Variants in STAG1 observed in about 807,000 individuals in gnomAD.
The protein encoded by STAG1 is STAG1 cohesin complex component, also known as cohesin subunit SA-1.
A neutral mutation model predicts 170.9 loss-of-function variants in STAG1; 26 were observed. That is an observed-to-expected ratio of 0.15 (90% CI 0.11 to 0.21). The LOEUF is 0.21. STAG1 is among the 10% of genes least tolerant of loss of function. The pLI, the probability that STAG1 is intolerant of heterozygous loss-of-function variation, is 1.00. For missense variants in STAG1, 964 were observed against 1,509.5 expected, an observed-to-expected ratio of 0.64 and a Z score of 5.99; for synonymous variants, 514 against 497.7, an observed-to-expected ratio of 1.03 and a Z score of -0.44.
At chr3:136,468,873 C>G (rs957908027) in intron 12 of STAG1, among the ~76,000 whole-genome samples, 6 of 150,062 alleles carry the variant, frequency 4.0e-5, no homozygotes, top group African/African-American at 1.5e-4. Flanking sequence ...TGAACAGAAC[C>G]AAAGACAAAA....
chr3:136,418,556 T>G (rs959761962), intron 20 of STAG1, among the ~76,000 whole-genome samples: 1 of 151,860 alleles, frequency 6.6e-6, no homozygotes, highest in Admixed American at 6.6e-5. Flanking sequence ...ACCTGACATA[T>G]TTAATTGAAA....
intron 29 of STAG1, among the ~76,000 whole-genome samples, chr3:136,345,299 G>T (rs2108263303): frequency 6.6e-6 from 1 of 152,052 alleles, no homozygotes; most frequent in East Asian, 1.9e-4. Flanking sequence ...ATGTTGGCCA[G>T]GCTGAAATGG....
chr3:136,427,645 A>G (rs1228083524), intron 16 of STAG1, among the ~76,000 whole-genome samples: 1 of 151,654 alleles, frequency 6.6e-6, no homozygotes, highest in Non-Finnish European at 1.5e-5. Context: ...TGAATCTGGT[A>G]TAAGGACCAT....
intron 6 of STAG1, among the ~76,000 whole-genome samples, chr3:136,541,582 A>C (rs113246782): frequency 1.3e-4 from 19 of 150,060 alleles, no homozygotes; most frequent in African/African-American, 4.4e-4. Context: ...ACACACACAC[A>C]CACCAGGGGT....
intron 5 of STAG1, among the ~76,000 whole-genome samples, chr3:136,543,170 G>T (rs568514205): frequency 6.6e-6 from 1 of 152,138 alleles, no homozygotes; most frequent in Admixed American, 6.5e-5. Flanking sequence ...GGCAGTTGAG[G>T]TTTAGAAAAA....
chr3:136,397,621 C>A lies in STAG1; in HGVS notation c.2277+1128G>T, dbSNP rs549210840. Among the ~76,000 whole-genome samples, 10 of 151,990 alleles carry A rather than the reference C, an allele frequency of 6.6e-5. 1 individual carries two copies. The highest frequency in any genetic ancestry group is 6.6e-4 in the Admixed American group (10 of 15,242). ...CCAGCCCCTGAAGGAAACTGGAGTG[C>A]GTTTATTTCTAGTTCACCCCTGTGG... is the stretch of plus-strand genomic sequence containing the variant. On this transcript the variant is annotated intron_variant, in intron 22 of 33. Coordinates refer to ENST00000383202, the MANE Select transcript of STAG1 (RefSeq NM_005862.3).
chr3:136,464,817 A>C (rs2089405550), intron 13 of STAG1, 64 bp downstream of exon 13: 2 of 1,376,096 alleles, frequency 1.5e-6, no homozygotes, highest in Non-Finnish European at 2.0e-6. Flanking sequence ...TCTTCTACAA[A>C]CTCTAAAACA....
chr3:136,707,260 T>C (rs1355780046), intron 1 of STAG1, among the ~76,000 whole-genome samples: 2 of 152,042 alleles, frequency 1.3e-5, no homozygotes, highest in African/African-American at 4.8e-5. Flanking sequence ...TCAAGAAAGT[T>C]AAAAGACAAC....
At chr3:136,434,412 T>G (rs768982722) in intron 15 of STAG1, among the ~76,000 whole-genome samples, 4 of 152,228 alleles carry the variant, frequency 2.6e-5, no homozygotes, top group African/African-American at 9.6e-5. Flanking sequence ...TATTTGGTTA[T>G]TATTTTGCTC....
At chr3:136,512,004 T>G (rs1408684277) in intron 7 of STAG1, among the ~76,000 whole-genome samples, 1 of 144,510 alleles carries the variant, frequency 6.9e-6, no homozygotes, top group African/African-American at 2.6e-5. Context: ...CCTATAATCC[T>G]AGCACTTTGG....
intron 1 of STAG1, among the ~76,000 whole-genome samples, chr3:136,682,065 T>TA (rs1165159278): frequency 4.0e-5 from 6 of 151,706 alleles, no homozygotes; most frequent in Admixed American, 1.3e-4. Context: ...ATCCAAATTT[T>TA]AAAAAAAAGA....
Position 136,748,293 on chromosome 3 carries a change from C to T in STAG1, c.-84+3902G>A, listed in dbSNP as rs1408052051. 4.6e-5 allele frequency among the ~76,000 whole-genome samples: 7 copies of T among 152,024 alleles called. No individual in the cohort carries two copies. The East Asian group carries it at 7.9e-4, about 17-fold the overall frequency. ...GCACATGCCTACAGTCCCAGCTACT[C>T]GGGAGGCTGAGGCACGCGAATCGCC... On this transcript the variant is annotated intron_variant, in intron 1 of 33. Transcript: ENST00000383202.
At chr3:136,691,612 T>C (rs1424716467) in intron 1 of STAG1, among the ~76,000 whole-genome samples, 1 of 152,182 alleles carries the variant, frequency 6.6e-6, no homozygotes, top group African/African-American at 2.4e-5. Context: ...TGCCATTTCA[T>C]TTCAGGTTTA....
intron 1 of STAG1, among the ~76,000 whole-genome samples, chr3:136,637,918 G>A (rs896816537): frequency 4.0e-5 from 6 of 150,894 alleles, no homozygotes; most frequent in Non-Finnish European, 8.8e-5. Flanking sequence ...TGTAGCCCAG[G>A]TTACAGTGCA....
intron 15 of STAG1, among the ~76,000 whole-genome samples, chr3:136,436,328 C>A (rs2088461484): frequency 6.6e-6 from 1 of 152,050 alleles, no homozygotes; most frequent in Admixed American, 6.6e-5. Context: ...GTCACCCAGG[C>A]TGGAGTACAG....
intron 7 of STAG1, chr3:136,518,483 G>A (rs1934493493): frequency 1.5e-6 from 1 of 669,682 alleles, no homozygotes; most frequent in African/African-American, 1.8e-5. Flanking sequence ...AAAATAAGAA[G>A]AGGGCAAAGA....
intron 5 of STAG1, among the ~76,000 whole-genome samples, chr3:136,567,751 G>T (rs1937135915): frequency 6.6e-6 from 1 of 152,184 alleles, no homozygotes; most frequent in Non-Finnish European, 1.5e-5. Flanking sequence ...ACAAGATAAA[G>T]ATCAGATCTG....
chr3:136,459,515 C>A (rs997215114), intron 13 of STAG1, among the ~76,000 whole-genome samples: 1 of 152,030 alleles, frequency 6.6e-6, no homozygotes, highest in Non-Finnish European at 1.5e-5. Flanking sequence ...CATTCTAGAC[C>A]AAATGGACCT....
chr3:136,721,018 C>T (rs1036387088), intron 1 of STAG1, among the ~76,000 whole-genome samples: 5 of 152,280 alleles, frequency 3.3e-5, no homozygotes, highest in Admixed American at 3.3e-4. Context: ...AATAAATTGA[C>T]TAATCTGGAT....
Sources: allele counts gnomAD v4.1 joint callset (sites outside exome capture counted in the v4.1 genomes callset), GRCh38; gene constraint gnomAD v4.1.1; transcripts MANE v1.5; gene names NCBI Gene and HGNC (gene_info 2026-07-23, HGNC 2026-07-21).